The following GRXCR2 variants were observed in gnomAD, a reference collection of about 807,000 sequenced individuals.
The protein encoded by GRXCR2 is glutaredoxin and cysteine rich domain containing 2.
Under a neutral mutation model 24.8 loss-of-function variants are expected in GRXCR2, and 23 were observed. The ratio of observed to expected loss-of-function variants is 0.93; its 90% CI spans 0.67 to 1.32. The LOEUF (loss-of-function observed/expected upper bound fraction) is 1.32. Among genes scored for constraint, GRXCR2 ranks in the 40% most tolerant of loss-of-function variants. The pLI is 0.00. For synonymous variants in GRXCR2, 130 were observed against 116.1 expected (o/e 1.12, Z -0.77); for missense variants, 315 against 303.4 (o/e 1.04, Z -0.28).
intron 2 of GRXCR2, among the ~76,000 whole-genome samples, chr5:145,889,118 C>T (rs200463026): frequency 6.7e-6 from 1 of 150,248 alleles, no homozygotes. Flanking sequence ...GAGCCGAGAT[C>T]GCACCACTGC....
rs577860355 is a variant in GRXCR2 at position 145,923,224 on chromosome 5, C to T, written c.-70+12477G>A. ...ACTGATATGGTGGTCCGGGACTACA[C>T]TTGAGAACTGTCTACTTTACATATA... On this transcript the variant is annotated intron_variant, in intron 2 of 3. Transcript: ENST00000639411. Among the ~76,000 whole-genome samples the T allele has an allele frequency of 1.5e-3, 235 of 152,280 alleles. 2 individuals carry two copies. The highest frequency in any genetic ancestry group is 5.4e-3 in the African/African-American group (226 of 41,564).
At chr5:145,890,281 A>C (rs774976256) in intron 2 of GRXCR2, among the ~76,000 whole-genome samples, 3 of 151,992 alleles carry the variant, frequency 2.0e-5, no homozygotes, top group Admixed American at 6.6e-5. Context: ...GTAGAGAAGG[A>C]GTTTCATCAT....
chr5:145,863,613 C>T (rs574022255), intron 2 of GRXCR2, among the ~76,000 whole-genome samples: 8 of 152,220 alleles, frequency 5.3e-5, no homozygotes, highest in South Asian at 2.1e-4. Flanking sequence ...GGGAAGGTAG[C>T]GCTTTGGATC....
chr5:145,873,269 G>T (rs958815217), upstream of GRXCR2, among the ~76,000 whole-genome samples: 1 of 152,172 alleles, frequency 6.6e-6, no homozygotes, highest in Admixed American at 6.5e-5. Context: ...TGAGGATGAA[G>T]AAGTTTATTT....
At chr5:145,884,928 TATTAG>T (rs1237781954) in intron 2 of GRXCR2, among the ~76,000 whole-genome samples, 3 of 152,354 alleles carry the variant, frequency 2.0e-5, no homozygotes, top group African/African-American at 4.8e-5. Context: ...TAGGAGATTA[TATTAG>T]ATATGTGTCT....
intron 2 of GRXCR2, among the ~76,000 whole-genome samples, chr5:145,914,675 C>CA (rs34955541): frequency 0.015 from 843 of 55,206 alleles, 40 homozygotes; most frequent in Non-Finnish European, 0.021. Context: ...GACTCCATCT[C>CA]AAAAAAAAAA....
intron 2 of GRXCR2, among the ~76,000 whole-genome samples, chr5:145,900,192 A>T (rs1266170975): frequency 6.6e-6 from 1 of 152,076 alleles, no homozygotes; most frequent in Non-Finnish European, 1.5e-5. Flanking sequence ...TGATTGGATC[A>T]TGGGGGCGGA....
intron 2 of GRXCR2, among the ~76,000 whole-genome samples, chr5:145,900,908 G>A (rs940719715): frequency 2.0e-5 from 3 of 152,066 alleles, no homozygotes; most frequent in Middle Eastern, 3.2e-3. Flanking sequence ...CATCAGTGGT[G>A]GATTGTATTT....
At chr5:145,890,598 G>C (rs1312199590) in intron 2 of GRXCR2, among the ~76,000 whole-genome samples, 1 of 152,128 alleles carries the variant, frequency 6.6e-6, no homozygotes, top group East Asian at 1.9e-4. Context: ...CACTAGACCA[G>C]TCTTATAAGA....
At chr5:145,895,320 G>A (rs1325029011) in intron 2 of GRXCR2, among the ~76,000 whole-genome samples, 4 of 151,788 alleles carry the variant, frequency 2.6e-5, no homozygotes, top group Non-Finnish European at 4.4e-5. Context: ...AAGAGTATTC[G>A]ACTAGGAAAA....
intron 2 of GRXCR2, among the ~76,000 whole-genome samples, chr5:145,864,235 G>A (rs972159981): frequency 6.6e-6 from 1 of 152,056 alleles, no homozygotes; most frequent in African/African-American, 2.4e-5. Flanking sequence ...ATTGGCCTCT[G>A]GTAGGAAAGA....
chr5:145,900,563 G>T (rs980634439), intron 2 of GRXCR2, among the ~76,000 whole-genome samples: 2 of 152,152 alleles, frequency 1.3e-5, no homozygotes, highest in Non-Finnish European at 2.9e-5. Flanking sequence ...AATCATGAGA[G>T]AAATGCAAAT....
chr5:145,884,348 G>C (rs1019890425), intron 2 of GRXCR2, among the ~76,000 whole-genome samples: 2 of 151,948 alleles, frequency 1.3e-5, no homozygotes, highest in Admixed American at 1.3e-4. Flanking sequence ...AGAGAATAAG[G>C]AAACATAACC....
At chr5:145,885,989 C>T (rs1756774583) in intron 2 of GRXCR2, among the ~76,000 whole-genome samples, 2 of 152,234 alleles carry the variant, frequency 1.3e-5, no homozygotes, top group Admixed American at 1.3e-4. Flanking sequence ...TGTCAGTCAT[C>T]TGAGCCCAAA....
intron 2 of GRXCR2, among the ~76,000 whole-genome samples, chr5:145,926,333 T>C (rs1246056164): frequency 2.6e-5 from 4 of 152,280 alleles, no homozygotes; most frequent in South Asian, 4.1e-4. Context: ...AGTAAATCTG[T>C]AATGATTTAA....
At chr5:145,922,787 C>G (rs908683350) in intron 2 of GRXCR2, among the ~76,000 whole-genome samples, 1 of 152,092 alleles carries the variant, frequency 6.6e-6, no homozygotes. Context: ...CTAGCTGAGC[C>G]CAGAAGACTG....
At chr5:145,891,509 C>T (rs1756864195) in intron 2 of GRXCR2, among the ~76,000 whole-genome samples, 2 of 152,216 alleles carry the variant, frequency 1.3e-5, no homozygotes, top group South Asian at 2.1e-4. Context: ...CTCGGAGGGT[C>T]CTACGCCCAC....
At chr5:145,929,527 C>T (rs551561987) in intron 2 of GRXCR2, among the ~76,000 whole-genome samples, 1 of 151,992 alleles carries the variant, frequency 6.6e-6, no homozygotes, top group South Asian at 2.1e-4. Flanking sequence ...TTCATATAAC[C>T]ATAATAGATT....
At chr5:145,901,163 G>C (rs1033437550) in intron 2 of GRXCR2, among the ~76,000 whole-genome samples, 4 of 142,842 alleles carry the variant, frequency 2.8e-5, no homozygotes, top group Non-Finnish European at 6.1e-5. Context: ...GAAGGAGGGA[G>C]GGGGGCAAGA....
Sources: gnomAD v4.1 joint callset for allele counts (sites outside exome capture counted in the v4.1 genomes callset) on GRCh38, gnomAD v4.1.1 for gene constraint, MANE v1.5 for transcripts, NCBI Gene and HGNC (gene_info 2026-07-23, HGNC 2026-07-21) for gene names.